Variants in ASRGL1 observed in about 807,000 individuals in gnomAD.
ASRGL1 encodes the protein asparaginase and isoaspartyl peptidase 1.
ASRGL1 carries 16 observed loss-of-function variants against 22.4 expected under a neutral mutation model. The ratio of observed to expected loss-of-function variants is 0.71; its 90% CI spans 0.48 to 1.08. The LOEUF (loss-of-function observed/expected upper bound fraction) is 1.08, where lower values mean the gene tolerates loss of function less well. Among genes scored for constraint, ASRGL1 ranks in the 50% least tolerant of loss-of-function variants. The pLI is 0.00. For missense variants in ASRGL1, 412 were observed against 410.1 expected (o/e 1.00, Z -0.04); for synonymous variants, 165 against 159.3 (o/e 1.04, Z -0.27).
At chr11:62,397,353 A>T (rs1193377712), downstream of ASRGL1, among the ~76,000 whole-genome samples, 1 of 151,604 alleles carries the variant, frequency 6.6e-6, no homozygotes, top group East Asian at 2.0e-4. Flanking sequence ...TGTAAAGCAC[A>T]TGTGAGAAAA....
chr11:62,343,747 A>G (rs959890047), intron 2 of ASRGL1, among the ~76,000 whole-genome samples: 4 of 151,358 alleles, frequency 2.6e-5, no homozygotes, highest in African/African-American at 7.3e-5. Context: ...AAAAAAAAAA[A>G]AAAAGTTCCA....
the ASRGL1 span, among the ~76,000 whole-genome samples, chr11:62,399,770 G>A: frequency 6.6e-6 from 1 of 152,154 alleles, no homozygotes. Flanking sequence ...TACCTGTGAG[G>A]GCTAGGGCAC....
chr11:62,364,350 A>G (rs1340402388), intron 4 of ASRGL1, among the ~76,000 whole-genome samples: 1 of 152,146 alleles, frequency 6.6e-6, no homozygotes, highest in Non-Finnish European at 1.5e-5. Flanking sequence ...ATAATAACTA[A>G]GTTAAGTCGT....
intron 5 of ASRGL1, chr11:62,389,731 G>T (rs1030785464): frequency 1.6e-5 from 4 of 248,854 alleles, no homozygotes; most frequent in African/African-American, 6.8e-5. Flanking sequence ...TTACATTAAC[G>T]GGGAAGCACG....
chr11:62,352,757 T>G (rs1946197340), intron 2 of ASRGL1, among the ~76,000 whole-genome samples: 1 of 152,210 alleles, frequency 6.6e-6, no homozygotes, highest in South Asian at 2.1e-4. Flanking sequence ...TTCTTCTTCC[T>G]TCTGGCCTCC....
intron 4 of ASRGL1, chr11:62,371,275 G>GGCAGCA (rs36033542): frequency 7.4e-7 from 1 of 1,348,092 alleles, no homozygotes; most frequent in African/African-American, 1.5e-5. Context: ...CAGCAGTGGT[G>GGCAGCA]GCAGCAGCAG....
intron 2 of ASRGL1, among the ~76,000 whole-genome samples, chr11:62,352,220 T>G (rs1336590813): frequency 6.6e-6 from 1 of 152,018 alleles, no homozygotes; most frequent in Non-Finnish European, 1.5e-5. Context: ...GCTTGCCCAC[T>G]CTCATGGGCA....
chr11:62,343,573 C>A (rs1239078043), intron 2 of ASRGL1, among the ~76,000 whole-genome samples: 1 of 151,260 alleles, frequency 6.6e-6, no homozygotes, highest in African/African-American at 2.4e-5. Flanking sequence ...ACCAAAAATA[C>A]AAAAATTAGC....
intron 4 of ASRGL1, among the ~76,000 whole-genome samples, chr11:62,388,860 G>C (rs533849363): frequency 9.9e-5 from 15 of 152,116 alleles, no homozygotes; most frequent in African/African-American, 3.6e-4. Flanking sequence ...TGGGGACAAA[G>C]AGACACAAAA....
intron 2 of ASRGL1, among the ~76,000 whole-genome samples, chr11:62,343,708 A>AC (rs1945930509): frequency 6.8e-6 from 1 of 147,472 alleles, no homozygotes; most frequent in African/African-American, 2.5e-5. Flanking sequence ...AGTCTGGGCA[A>AC]CAAAGCAAGA....
intron 4 of ASRGL1, chr11:62,371,571 G>C (rs903345568): frequency 1.4e-6 from 1 of 694,178 alleles, no homozygotes; most frequent in Admixed American, 1.8e-5. Flanking sequence ...AATACACTGC[G>C]GAAGGCCACA....
At chr11:62,342,300 G>T (rs1431047268) in intron 2 of ASRGL1, among the ~76,000 whole-genome samples, 1 of 152,194 alleles carries the variant, frequency 6.6e-6, no homozygotes, top group Non-Finnish European at 1.5e-5. Context: ...ACCAGTATAA[G>T]CCTTCCAGGG....
intron 2 of ASRGL1, among the ~76,000 whole-genome samples, chr11:62,340,459 C>T (rs1370858896): frequency 1.3e-5 from 2 of 152,172 alleles, no homozygotes; most frequent in Non-Finnish European, 2.9e-5. Context: ...GGCTGTCAAA[C>T]CCTCACTTAT....
chr11:62,356,263 C>T, intron 2 of ASRGL1, 62 bp from the exon 3 acceptor site: 1 of 1,582,982 alleles, frequency 6.3e-7, no homozygotes, highest in Non-Finnish European at 8.6e-7. Context: ...GACCCCCCCA[C>T]CTCCCTCCCG....
chr11:62,390,473 G>A (rs1397463073), intron 5 of ASRGL1, among the ~76,000 whole-genome samples: 5 of 152,156 alleles, frequency 3.3e-5, no homozygotes, highest in South Asian at 2.1e-4. Context: ...AGCTTCACAC[G>A]CCCGATGCCT....
In ASRGL1 at chr11:62,377,170, A is replaced by G. The variant is rs190034097; in HGVS notation, c.492-11963A>G. Among the ~76,000 whole-genome samples the G allele has an allele frequency of 1.9e-3, 284 of 152,324 alleles. 3 individuals are homozygous for G. Among genetic ancestry groups the G allele is most frequent in the Middle Eastern group, 6.8e-3 (2 of 294 alleles). Reference sequence around the variant, plus strand: ...CAAAGCATGAAGTTCTTGTGCTTTTATGAATGCAGATGGTACCAGTAAGTC... The same window carrying G: ...CAAAGCATGAAGTTCTTGTGCTTTTGTGAATGCAGATGGTACCAGTAAGTC... On this transcript the variant is annotated intron_variant, in intron 4 of 6. Transcript: ENST00000415229.
intron 4 of ASRGL1, among the ~76,000 whole-genome samples, chr11:62,380,781 G>T (rs944188170): frequency 6.6e-6 from 1 of 152,040 alleles, no homozygotes; most frequent in African/African-American, 2.4e-5. Context: ...TTATAGAAAA[G>T]GACTCATATC....
intron 4 of ASRGL1, among the ~76,000 whole-genome samples, chr11:62,375,121 C>G (rs1946879483): frequency 6.6e-6 from 1 of 152,068 alleles, no homozygotes; most frequent in Non-Finnish European, 1.5e-5. Flanking sequence ...GGGACTGGAG[C>G]AGGAAAGGGA....
intron 4 of ASRGL1, among the ~76,000 whole-genome samples, chr11:62,362,755 A>T (rs1193652525): frequency 9.7e-6 from 1 of 103,038 alleles, no homozygotes; most frequent in Non-Finnish European, 1.8e-5. Context: ...TATATATATA[A>T]ATTTATATAT....
Sources: allele counts gnomAD v4.1 joint callset (sites outside exome capture counted in the v4.1 genomes callset), GRCh38; gene constraint gnomAD v4.1.1; transcripts MANE v1.5; gene names NCBI Gene and HGNC (gene_info 2026-07-23, HGNC 2026-07-21).